The following HOOK3 variants were observed in gnomAD, a reference collection of about 807,000 sequenced individuals.
The protein encoded by HOOK3 is hook microtubule tethering protein 3, also known as protein Hook homolog 3.
In HOOK3, 24 loss-of-function variants were observed where a neutral mutation model predicts 116.3. The ratio of observed to expected loss-of-function variants is 0.21; its 90% CI spans 0.15 to 0.29. The LOEUF (loss-of-function observed/expected upper bound fraction) is 0.29, where lower values mean the gene tolerates loss of function less well. Ranked by LOEUF, HOOK3 falls within the 10% of genes least tolerant of loss-of-function variation. HOOK3 has a pLI of 1.00. For synonymous variants in HOOK3, 275 were observed against 283.0 expected, an observed-to-expected ratio of 0.97 and a Z score of 0.28; for missense variants, 632 against 830.2, an observed-to-expected ratio of 0.76 and a Z score of 2.93.
chr8:42,939,583 ACCTC>A (rs1328268158), intron 4 of HOOK3, among the ~76,000 whole-genome samples: 1 of 125,176 alleles, frequency 8.0e-6, no homozygotes, highest in Non-Finnish European at 1.7e-5. Context: ...TGACCCCCCC[ACCTC>A]CCTCCCGGAC....
intron 2 of HOOK3, among the ~76,000 whole-genome samples, chr8:42,915,015 G>A (rs560344735): frequency 2.6e-5 from 4 of 152,110 alleles, no homozygotes; most frequent in Non-Finnish European, 5.9e-5. Flanking sequence ...GTTGAAAGAG[G>A]CCAAGAGCCA....
intron 9 of HOOK3, among the ~76,000 whole-genome samples, chr8:42,964,826 CAA>C (rs905614088): frequency 2.5e-5 from 3 of 120,904 alleles, no homozygotes; most frequent in African/African-American, 3.1e-5. Context: ...GACTTTGTCT[CAA>C]AAAAAAAAAA....
Position 42,966,509 on chromosome 8 carries a change from T to C in HOOK3, c.816T>C (p.Cys272=). ...EAAKDDYRIR[C]EELEKEISEL... is the part of the protein sequence containing the mutation. ...CCAAAGATGATTATCGAATACGTTG[T>C]GAAGAGTTAGAAAAGGAGATCTCTG... is the stretch of plus-strand genomic sequence containing the variant. The change falls in exon 10 of 22, where the codon TGT becomes TGC. Residue 272 remains cysteine, a synonymous_variant. Transcript: ENST00000307602. The C allele has an allele frequency of 6.2e-7, 1 of 1,614,198 alleles. No individual in the cohort carries two copies. The highest frequency in any genetic ancestry group is 8.5e-7 in the Non-Finnish European group (1 of 1,180,022).
At chr8:42,932,012 C>T (rs1807884227) in intron 4 of HOOK3, among the ~76,000 whole-genome samples, 1 of 152,142 alleles carries the variant, frequency 6.6e-6, no homozygotes, top group South Asian at 2.1e-4. Flanking sequence ...CTTGGCCTCC[C>T]AAAGTGCCTG....
At chr8:42,937,561 C>T (rs2130374834) in intron 4 of HOOK3, among the ~76,000 whole-genome samples, 1 of 152,178 alleles carries the variant, frequency 6.6e-6, no homozygotes, top group South Asian at 2.1e-4. Context: ...ACTGCTTTAG[C>T]TGTGTCCCAG....
At chr8:42,967,848 G>A (rs1304360791) in intron 10 of HOOK3, among the ~76,000 whole-genome samples, 165 bp from the exon 11 acceptor site, 1 of 151,660 alleles carries the variant, frequency 6.6e-6, no homozygotes, top group Non-Finnish European at 1.5e-5. Context: ...TAAACATTTA[G>A]TTGTAACTTA....
At chr8:42,993,410 G>C (rs1301819106) in intron 15 of HOOK3, among the ~76,000 whole-genome samples, 2 of 152,208 alleles carry the variant, frequency 1.3e-5, no homozygotes, top group African/African-American at 4.8e-5. Flanking sequence ...GCCTCCCAAA[G>C]TGTTGGGATT....
rs934021886 is a variant in HOOK3 at position 43,020,878 on chromosome 8, A to T, written c.*2380A>T. The T allele has an allele frequency of 9.9e-5, 18 of 182,050 alleles. No individual in the cohort carries two copies. The highest frequency in any genetic ancestry group is 3.8e-4 in the African/African-American group (16 of 42,398). 11.3% of individuals were successfully genotyped at this position (182,050 alleles called of 1,614,324 possible). On this transcript the variant is annotated 3_prime_UTR_variant, in exon 22 of 22. Coordinates refer to ENST00000307602, the MANE Select transcript of HOOK3 (RefSeq NM_032410.4). ...CACTTTGGGAGGCCGAGACAGGCAC[A>T]TCATCTGAGGTCAGGACTTCCAGAC...
intron 2 of HOOK3, among the ~76,000 whole-genome samples, chr8:42,911,627 A>G (rs906973085): frequency 1.3e-5 from 2 of 152,194 alleles, no homozygotes; most frequent in African/African-American, 4.8e-5. Context: ...TTCAGAAGGA[A>G]GATAATGGTA....
chr8:42,950,365 TTC>T (rs1360718748), intron 5 of HOOK3, 21 bp from the exon 6 acceptor site: 1 of 1,506,782 alleles, frequency 6.6e-7, no homozygotes. Context: ...AACAGTGACA[TTC>T]TAGATTGTTC....
At chr8:42,910,698 A>G (rs1452000968) in intron 2 of HOOK3, among the ~76,000 whole-genome samples, 1 of 152,226 alleles carries the variant, frequency 6.6e-6, no homozygotes, top group African/African-American at 2.4e-5. Context: ...AACCTCACCA[A>G]CATTGATTCT....
At chr8:42,991,234 G>C (rs1360186998) in intron 15 of HOOK3, among the ~76,000 whole-genome samples, 2 of 152,012 alleles carry the variant, frequency 1.3e-5, no homozygotes, top group Non-Finnish European at 2.9e-5. Flanking sequence ...GATTCCTCTA[G>C]TTTTGTTCTT....
chr8:42,940,114 TG>T (rs1344520622), intron 4 of HOOK3, among the ~76,000 whole-genome samples: 4 of 152,222 alleles, frequency 2.6e-5, no homozygotes, highest in African/African-American at 9.7e-5. Flanking sequence ...CTCGGCACTT[TG>T]GGAGGCCAAG....
intron 4 of HOOK3, among the ~76,000 whole-genome samples, chr8:42,932,380 T>C (rs1807890829): frequency 6.6e-6 from 1 of 152,108 alleles, no homozygotes; most frequent in Admixed American, 6.6e-5. Context: ...AGTATTACGA[T>C]AAAAAAGAAT....
chr8:42,901,807 G>A (rs561531188), intron 1 of HOOK3, among the ~76,000 whole-genome samples: 2 of 152,254 alleles, frequency 1.3e-5, no homozygotes, highest in Non-Finnish European at 2.9e-5. Flanking sequence ...CACCTCCTGG[G>A]TTCAAGCAAT....
intron 2 of HOOK3, among the ~76,000 whole-genome samples, chr8:42,923,697 G>C (rs59320956): frequency 0.024 from 3,638 of 152,224 alleles, 145 homozygotes; most frequent in African/African-American, 0.083. Flanking sequence ...TGGAGATAGG[G>C]TTTCTTTTTG....
intron 13 of HOOK3, among the ~76,000 whole-genome samples, chr8:42,978,410 ATTT>A (rs780491369): frequency 2.5e-5 from 3 of 121,004 alleles, no homozygotes; most frequent in Non-Finnish European, 3.6e-5. Context: ...TGCCTGGCTA[ATTT>A]TTTTTTTTTT....
chr8:42,930,322 C>A, intron 4 of HOOK3, 150 bp downstream of exon 4: 3 of 627,306 alleles, frequency 4.8e-6, no homozygotes, highest in Non-Finnish European at 7.4e-6. Flanking sequence ...ATGGTTCAAC[C>A]AACCATCTGT....
At chr8:42,997,199 T>C (rs901104261) in intron 15 of HOOK3, among the ~76,000 whole-genome samples, 5 of 152,204 alleles carry the variant, frequency 3.3e-5, no homozygotes, top group Non-Finnish European at 5.9e-5. Context: ...ACCCACTTCC[T>C]GAGTGCAGAG....
Sources: gnomAD v4.1 joint callset for allele counts (sites outside exome capture counted in the v4.1 genomes callset) on GRCh38, gnomAD v4.1.1 for gene constraint, MANE v1.5 for transcripts, NCBI Gene and HGNC (gene_info 2026-07-23, HGNC 2026-07-21) for gene names.